Variants in PRKCQ observed in about 807,000 individuals in gnomAD.
PRKCQ encodes protein kinase C theta type.
Under a neutral mutation model 91.2 loss-of-function variants are expected in PRKCQ, and 41 were observed. The observed-to-expected ratio is 0.45, with a 90% CI of 0.35 to 0.58. PRKCQ has a LOEUF of 0.58. Ranked by LOEUF, PRKCQ falls within the 20% of genes least tolerant of loss-of-function variation. PRKCQ has a pLI of 0.00. For missense variants in PRKCQ, 673 were observed against 896.5 expected (o/e 0.75, Z 3.18); for synonymous variants, 307 against 316.9 (o/e 0.97, Z 0.33).
chr10:6,492,944 C>T (rs1837403329), intron 7 of PRKCQ, among the ~76,000 whole-genome samples: 1 of 152,136 alleles, frequency 6.6e-6, no homozygotes, highest in South Asian at 2.1e-4. Context: ...TTTAGAAAGC[C>T]TGTGTAGAAT....
At chr10:6,400,165 T>A in the PRKCQ span, among the ~76,000 whole-genome samples, 1 of 152,242 alleles carries the variant, frequency 6.6e-6, no homozygotes, top group Non-Finnish European at 1.5e-5. Flanking sequence ...TGGTGTTCTC[T>A]ACCTGAGTTT....
chr10:6,556,268 A>C (rs1426188178), intron 1 of PRKCQ, among the ~76,000 whole-genome samples: 1 of 152,004 alleles, frequency 6.6e-6, no homozygotes, highest in Non-Finnish European at 1.5e-5. Context: ...ACATCTCTAC[A>C]AAAAATTTAA....
chr10:6,425,703 C>A (rs368865397), downstream of PRKCQ, among the ~76,000 whole-genome samples: 1 of 151,984 alleles, frequency 6.6e-6, no homozygotes, highest in East Asian at 1.9e-4. Flanking sequence ...GCCTGTAATC[C>A]CAGCACTTTG....
intron 15 of PRKCQ, among the ~76,000 whole-genome samples, chr10:6,453,840 A>G (rs891600170): frequency 2.0e-5 from 3 of 151,378 alleles, no homozygotes; most frequent in African/African-American, 7.3e-5. Flanking sequence ...CAAACACCGC[A>G]TGTTCTCACT....
At chr10:6,489,772 G>A (rs867448470) in intron 8 of PRKCQ, among the ~76,000 whole-genome samples, 1 of 152,054 alleles carries the variant, frequency 6.6e-6, no homozygotes, top group African/African-American at 2.4e-5. Flanking sequence ...GTAGGTGGTA[G>A]GAGAGAGCGG....
At position 6,483,585 on chromosome 10, in the gene PRKCQ, G is replaced by A. The variant is rs1325209740; in HGVS notation, c.1034C>T (p.Ser345Phe). 1 of 1,614,040 alleles carries A rather than the reference G, an allele frequency of 6.2e-7. No homozygotes were observed. Among genetic ancestry groups the A allele is most frequent in the African/African-American group, 1.3e-5 (1 of 74,910 alleles). Residue 345 changes from serine to phenylalanine, a missense_variant, in exon 11 of 18, where the codon TCC becomes TTC. Ser to Phe is a radical substitution (Grantham distance 155). Transcript: ENST00000263125. ...CACCTCATCCAACGGAGACTCCCAG[G>A]AAATGCCCTGAGGCTCTGAAAATGC... ...TPGKREPQGI[S>F]WESPLDEVDK...
the PRKCQ span, among the ~76,000 whole-genome samples, chr10:6,407,351 C>T: frequency 3.3e-3 from 496 of 151,710 alleles, 5 homozygotes; most frequent in African/African-American, 0.011. The surrounding 1 kb of genome is among the most constrained non-coding windows in gnomAD (Gnocchi z 4.0). Flanking sequence ...CAGGAGGAGG[C>T]GTTCAAGTGA....
chr10:6,474,071 C>T (rs547719025), intron 12 of PRKCQ, among the ~76,000 whole-genome samples: 36 of 152,266 alleles, frequency 2.4e-4, no homozygotes, highest in Non-Finnish European at 3.8e-4. Flanking sequence ...GAAGCCATAA[C>T]CGGAAGTAGA....
At chr10:6,456,950 G>C (rs920187421) in intron 14 of PRKCQ, 138 bp from the exon 15 acceptor site, 1 of 817,356 alleles carries the variant, frequency 1.2e-6, no homozygotes, top group African/African-American at 1.7e-5. Context: ...CTATCCACTT[G>C]CACACCAAGT....
At position 6,493,596 on chromosome 10, in the gene PRKCQ, CTT is replaced by C. The variant is rs145722407; in HGVS notation, c.661-1786_661-1785del. The stretch of plus-strand genomic sequence containing the variant: ...TTATGTAGCTGACAGTTTCTCAAGA[CTT>C]TGTACCAGGAACTTTGTTAGTCATT... On this transcript the variant is annotated intron_variant, in intron 7 of 17. Transcript: ENST00000263125. Among the ~76,000 whole-genome samples, 64 of 152,272 alleles carry C rather than the reference CTT, an allele frequency of 4.2e-4. No individual in the cohort carries two copies. The East Asian group carries it at 0.011, about 26-fold the overall frequency.
chr10:6,487,916 A>G (rs1174191819), intron 8 of PRKCQ, among the ~76,000 whole-genome samples: 1 of 151,856 alleles, frequency 6.6e-6, no homozygotes, highest in Non-Finnish European at 1.5e-5. Context: ...GAGGCAGAAG[A>G]ATCACTTCAA....
At chr10:6,514,980 C>T in intron 2 of PRKCQ, 38 bp downstream of exon 2, 1 of 1,611,614 alleles carries the variant, frequency 6.2e-7, no homozygotes, top group East Asian at 2.2e-5. Flanking sequence ...CAGGATTCTC[C>T]TCCTCCTCCC....
intron 1 of PRKCQ, among the ~76,000 whole-genome samples, chr10:6,556,265 T>C (rs1178137251): frequency 1.3e-5 from 2 of 151,816 alleles, no homozygotes; most frequent in African/African-American, 4.8e-5. Flanking sequence ...CTCACATCTC[T>C]ACAAAAAATT....
At chr10:6,527,257 T>C (rs1839231813) in intron 1 of PRKCQ, among the ~76,000 whole-genome samples, 1 of 152,218 alleles carries the variant, frequency 6.6e-6, no homozygotes, top group Non-Finnish European at 1.5e-5. Flanking sequence ...CTGAAACTTC[T>C]TGGGCAAGTG....
intron 1 of PRKCQ, among the ~76,000 whole-genome samples, chr10:6,556,175 A>G (rs1840405876): frequency 6.6e-6 from 1 of 152,200 alleles, no homozygotes; most frequent in Non-Finnish European, 1.5e-5. Flanking sequence ...CATGCCTGTA[A>G]TCCCAGCACT....
chr10:6,471,917 A>G (rs1222990686), intron 12 of PRKCQ, among the ~76,000 whole-genome samples: 1 of 152,208 alleles, frequency 6.6e-6, no homozygotes, highest in Admixed American at 6.5e-5. Context: ...CTTTGTGAGA[A>G]TGGCTGACAA....
intron 1 of PRKCQ, among the ~76,000 whole-genome samples, chr10:6,518,390 T>A (rs1010899347): frequency 1.3e-5 from 2 of 152,170 alleles, no homozygotes; most frequent in Non-Finnish European, 1.5e-5. Flanking sequence ...GTATTTAAGC[T>A]CTTTTGAACA....
At chr10:6,487,670 T>C (rs1837005190) in intron 8 of PRKCQ, among the ~76,000 whole-genome samples, 1 of 152,172 alleles carries the variant, frequency 6.6e-6, no homozygotes, top group South Asian at 2.1e-4. Context: ...AAGACAATTA[T>C]TAGTTTTAGA....
chr10:6,579,835 G>T (rs867314640), intron 1 of PRKCQ, among the ~76,000 whole-genome samples: 1,567 of 55,044 alleles, frequency 0.028, 17 homozygotes, highest in African/African-American at 0.079. Flanking sequence ...GTTTCCTCAC[G>T]CATTTTTTTT....
Sources: gnomAD v4.1 joint callset for allele counts (sites outside exome capture counted in the v4.1 genomes callset) on GRCh38, gnomAD v4.1.1 for gene constraint, Gnocchi (gnomAD v3.1) non-coding constraint, MANE v1.5 for transcripts, NCBI Gene and HGNC (gene_info 2026-07-23, HGNC 2026-07-21) for gene names.